The following TXNRD1 variants were observed in gnomAD, a reference collection of about 807,000 sequenced individuals.
TXNRD1 encodes thioredoxin reductase 1.
In TXNRD1, 57 loss-of-function variants were observed where a neutral mutation model predicts 80.3. That is an observed-to-expected ratio of 0.71 (90% CI 0.57 to 0.89). The LOEUF (loss-of-function observed/expected upper bound fraction) is 0.89. TXNRD1 is among the 40% of genes least tolerant of loss of function. The probability of loss-of-function intolerance (pLI) is 0.00; values close to 1 mark genes in which losing one functional copy is unlikely to be tolerated. For synonymous variants in TXNRD1, 291 were observed against 285.2 expected, an observed-to-expected ratio of 1.02 and a Z score of -0.20; for missense variants, 730 against 803.0, an observed-to-expected ratio of 0.91 and a Z score of 1.10.
intron 16 of TXNRD1, among the ~76,000 whole-genome samples, chr12:104,345,250 T>C (rs2036452800): frequency 1.3e-5 from 2 of 152,138 alleles, no homozygotes; most frequent in South Asian, 2.1e-4. Flanking sequence ...AGTGGATGAA[T>C]TAGAAATAAT....
At chr12:104,272,833 T>C (rs772285973) in intron 3 of TXNRD1, among the ~76,000 whole-genome samples, 3 of 150,892 alleles carry the variant, frequency 2.0e-5, no homozygotes, top group Non-Finnish European at 3.0e-5. Flanking sequence ...AGGCAAAGAA[T>C]TGAACATACT....
At chr12:104,304,052 A>G (rs767193061) in intron 4 of TXNRD1, 2 of 1,613,860 alleles carry the variant, frequency 1.2e-6, no homozygotes, top group South Asian at 2.2e-5. Flanking sequence ...GTGCCGCAGC[A>G]TCCGCAGGCA....
Position 104,319,525 on chromosome 12 carries a change from C to T in TXNRD1, c.929C>T (p.Ala310Val), listed in dbSNP as rs749687527. The part of the protein sequence containing the change: ...KIYSAERFLI[A>V]TGERPRYLGI... ...TATTCAGCAGAGAGATTTCTCATTG[C>T]CACTGGTGAAAGACCACGTTACTTG... The change falls in exon 9 of 17, where the codon GCC becomes GTC. Residue 310 changes from alanine to valine, a missense_variant. Physicochemically the swap from Ala to Val is moderately conservative, Grantham distance 64 (BLOSUM62 0). Coordinates refer to ENST00000525566, the MANE Select transcript of TXNRD1 (RefSeq NM_001093771.3). 7 of 1,604,880 alleles carry T rather than the reference C, an allele frequency of 4.4e-6. No homozygotes were observed. The East Asian group carries it at 1.6e-4, about 36-fold the overall frequency.
At chr12:104,217,134 C>T (rs2032233215) in intron 1 of TXNRD1, among the ~76,000 whole-genome samples, 1 of 152,106 alleles carries the variant, frequency 6.6e-6, no homozygotes, top group Non-Finnish European at 1.5e-5. Flanking sequence ...CCAGGTCAGG[C>T]AGCTAATTTG....
intron 3 of TXNRD1, among the ~76,000 whole-genome samples, chr12:104,276,381 CTTTGGGCAGTGTGCT>C (rs2033759016): frequency 6.6e-6 from 1 of 152,158 alleles, no homozygotes; most frequent in African/African-American, 2.4e-5. Context: ...CGACTTGAGC[CTTTGGGCAGTGTGCT>C]GGAGCTGGCT....
intron 16 of TXNRD1, chr12:104,346,284 A>AT (rs1195932200): frequency 5.5e-6 from 1 of 181,442 alleles, no homozygotes; most frequent in Middle Eastern, 2.4e-3. Flanking sequence ...AAGTGCTGGG[A>AT]TTGCAGGCGT....
In TXNRD1 at chr12:104,331,636, A is replaced by T. The variant is rs1043476501; in HGVS notation, c.1645A>T (p.Ile549Phe). 1 of 1,606,390 alleles carries T rather than the reference A, an allele frequency of 6.2e-7. No homozygotes were observed. Among genetic ancestry groups the T allele is most frequent in the East Asian group, 2.2e-5 (1 of 44,726 alleles). Residue 549 changes from isoleucine (I) to phenylalanine (F), a missense_variant, in exon 14 of 17, where the codon ATT becomes TTT. By Grantham distance (21) the Ile-to-Phe change is conservative. Coordinates refer to ENST00000525566, the MANE Select transcript of TXNRD1 (RefSeq NM_001093771.3). ...KAVEKFGEENIEVYHSYFWPL... is the reference protein window; with the variant it reads ...KAVEKFGEENFEVYHSYFWPL... ...TGTGGAGAAGTTTGGGGAAGAAAAT[A>T]TTGAGGTAAGTTCTTTTCCTCTTTT...
At chr12:104,264,005 G>A (rs912369860) in intron 3 of TXNRD1, among the ~76,000 whole-genome samples, 1 of 152,144 alleles carries the variant, frequency 6.6e-6, no homozygotes, top group African/African-American at 2.4e-5. Flanking sequence ...TGCTTCCCTA[G>A]TTGCCTCTTT....
intron 3 of TXNRD1, among the ~76,000 whole-genome samples, chr12:104,281,412 T>A (rs947254576): frequency 8.2e-5 from 7 of 85,214 alleles, no homozygotes; most frequent in African/African-American, 2.0e-4. Context: ...TTTTTTTTTT[T>A]TTTTTTCTTT....
chr12:104,228,475 T>G (rs2135680628), intron 1 of TXNRD1, among the ~76,000 whole-genome samples: 1 of 151,470 alleles, frequency 6.6e-6, no homozygotes, highest in South Asian at 2.1e-4. Flanking sequence ...CTACTAAAAA[T>G]ACAAAATTAG....
chr12:104,254,630 G>GAAAAAAAAA (rs760022093), intron 2 of TXNRD1, among the ~76,000 whole-genome samples: 182 of 17,212 alleles, frequency 0.011, 8 homozygotes, highest in Middle Eastern at 0.042. Context: ...TATGTCTATG[G>GAAAAAAAAA]AAAAAAAAAA....
chr12:104,294,233 GC>G (rs1555212585), intron 4 of TXNRD1, among the ~76,000 whole-genome samples: 8 of 68,870 alleles, frequency 1.2e-4, no homozygotes, highest in Non-Finnish European at 1.7e-4. Flanking sequence ...CCGGGGAAAG[GC>G]CCCCCCCCCC....
intron 4 of TXNRD1, chr12:104,304,862 A>G (rs2034826533): frequency 6.2e-7 from 1 of 1,613,772 alleles, no homozygotes; most frequent in Non-Finnish European, 8.5e-7. Flanking sequence ...TATATCTTTG[A>G]CTTTACAGGA....
chr12:104,331,723 A>T (rs2035954579), intron 14 of TXNRD1, 82 bp downstream of exon 14: 2 of 899,074 alleles, frequency 2.2e-6, no homozygotes, highest in Admixed American at 4.9e-5. Context: ...AGACTTAAAA[A>T]ATAGTACAAA....
In TXNRD1 at chr12:104,348,497, C is replaced by T; in HGVS notation, c.*76C>T. The T allele has an allele frequency of 6.8e-7, 1 of 1,465,480 alleles. No homozygotes were observed. The highest frequency in any genetic ancestry group is 9.5e-7 in the Non-Finnish European group (1 of 1,048,708). The allele number at this position is 1,465,480 out of a possible 1,614,324, so 90.8% of individuals were successfully genotyped here. On this transcript the variant is annotated 3_prime_UTR_variant, in exon 17 of 17. Transcript: ENST00000525566. ...GTGCCCAAATCCAAGGCGAAGTTTT[C>T]TAGAGGGTTCTTGGGCTCTTGGCAC... is the stretch of plus-strand genomic sequence containing the variant.
chr12:104,283,725 C>A (rs2033924535), intron 3 of TXNRD1, among the ~76,000 whole-genome samples: 1 of 152,030 alleles, frequency 6.6e-6, no homozygotes, highest in Non-Finnish European at 1.5e-5. Context: ...ACAAAATTAG[C>A]CAGGCGTGGT....
Position 104,348,642 on chromosome 12 carries a change from G to A in TXNRD1, c.*221G>A. 2 of 540,058 alleles carry A rather than the reference G, an allele frequency of 3.7e-6. No homozygotes were observed. The highest frequency in any genetic ancestry group is 6.6e-6 in the Non-Finnish European group (2 of 303,676). The allele number at this position is 540,058 out of a possible 1,614,324, so 33.5% of individuals were successfully genotyped here. ...CTGACAGACTTGAAGCTGACATTTG[G>A]CAGGGCATCGAAGGGATGCATCCAT... On this transcript the variant is annotated 3_prime_UTR_variant, in exon 17 of 17. Coordinates refer to ENST00000525566, the MANE Select transcript of TXNRD1 (RefSeq NM_001093771.3).
At chr12:104,294,887 T>C (rs1453047799) in intron 4 of TXNRD1, among the ~76,000 whole-genome samples, 1 of 152,254 alleles carries the variant, frequency 6.6e-6, no homozygotes, top group Non-Finnish European at 1.5e-5. Flanking sequence ...TCTTAACTAT[T>C]CTTAACTGCA....
intron 16 of TXNRD1, chr12:104,346,053 C>T: frequency 8.1e-7 from 1 of 1,232,384 alleles, no homozygotes; most frequent in Non-Finnish European, 1.1e-6. Context: ...GTTCCTGTCA[C>T]CCAGGCTGGA....
Sources: allele counts gnomAD v4.1 joint callset (sites outside exome capture counted in the v4.1 genomes callset), GRCh38; gene constraint gnomAD v4.1.1; transcripts MANE v1.5; gene names NCBI Gene and HGNC (gene_info 2026-07-23, HGNC 2026-07-21).